The following LTBP2 variants were observed in gnomAD, a reference collection of about 807,000 sequenced individuals.
LTBP2 encodes the protein latent transforming growth factor beta binding protein 2.
LTBP2 carries 103 observed loss-of-function variants against 210.6 expected under a neutral mutation model. The observed-to-expected ratio is 0.49, with a 90% confidence interval of 0.42 to 0.58. The LOEUF is 0.58. Among genes scored for constraint, LTBP2 ranks in the 20% least tolerant of loss-of-function variants. LTBP2 has a pLI of 0.00. For missense variants in LTBP2, 2,313 were observed against 2,494.5 expected (o/e 0.93, Z 1.55); for synonymous variants, 1,007 against 1,015.0 (o/e 0.99, Z 0.15).
At chr14:74,525,951 T>A in intron 14 of LTBP2, 124 bp downstream of exon 14, 3 of 1,079,448 alleles carry the variant, frequency 2.8e-6, no homozygotes, top group Non-Finnish European at 4.1e-6. Flanking sequence ...GGCCACGTCC[T>A]TCTCACCCTC....
chr14:74,519,015 G>A (rs149810514), intron 17 of LTBP2, among the ~76,000 whole-genome samples: 124 of 152,322 alleles, frequency 8.1e-4, no homozygotes, highest in African/African-American at 2.9e-3. Context: ...AAATGGAGAC[G>A]TGAATAGAGA....
chr14:74,524,718 G>A (rs1299331201), intron 15 of LTBP2, among the ~76,000 whole-genome samples: 6 of 152,080 alleles, frequency 3.9e-5, no homozygotes, highest in African/African-American at 7.2e-5. Context: ...AGCCCTCCCC[G>A]TGGGCAGGCA....
At chr14:74,504,678 G>T (rs2086959156) in intron 30 of LTBP2, 100 bp downstream of exon 30, 1 of 1,159,470 alleles carries the variant, frequency 8.6e-7, no homozygotes, top group Admixed American at 1.7e-5. Context: ...CAACCTGCGA[G>T]GCCAGGGCTG....
Position 74,504,929 on chromosome 14 carries a change from A to G in LTBP2, c.4369+54T>C. Reference sequence around the variant, plus strand: ...CCCCCTTCCTCTCTCCCCTTCTTTCAGTGTCACCTTGCAGAGCTGACCCTT... The same window carrying G: ...CCCCCTTCCTCTCTCCCCTTCTTTCGGTGTCACCTTGCAGAGCTGACCCTT... On this transcript the variant is annotated intron_variant, in intron 29 of 35. Coordinates refer to ENST00000261978, the MANE Select transcript of LTBP2 (RefSeq NM_000428.3). The G allele has an allele frequency of 5.0e-6, 8 of 1,613,616 alleles. No individual in the cohort carries two copies. The South Asian group carries it at 8.8e-5, about 18-fold the overall frequency.
At chr14:74,553,142 A>C in intron 4 of LTBP2, 80 bp from the exon 5 acceptor site, 2 of 1,387,002 alleles carry the variant, frequency 1.4e-6, no homozygotes, top group Non-Finnish European at 1.0e-6. Flanking sequence ...AGAAAGCCCC[A>C]TGGGACTAGG....
intron 8 of LTBP2, among the ~76,000 whole-genome samples, chr14:74,549,332 GAA>G (rs1566633272): frequency 7.9e-6 from 1 of 126,656 alleles, no homozygotes; most frequent in East Asian, 2.2e-4. Context: ...ATGAATGAAT[GAA>G]TTAACACATG....
intron 2 of LTBP2, among the ~76,000 whole-genome samples, chr14:74,591,208 G>GA (rs2088279222): frequency 6.6e-6 from 1 of 152,182 alleles, no homozygotes. Flanking sequence ...CCTGCAGAGG[G>GA]AGAAGCCCTG....
chr14:74,611,579 C>G lies in LTBP2; in HGVS notation c.366G>C (p.Arg122=), dbSNP rs775720299. Residue 122 remains arginine (R), a synonymous_variant, in exon 1 of 36, where the codon CGG becomes CGC. Coordinates refer to ENST00000261978, the MANE Select transcript of LTBP2 (RefSeq NM_000428.3). ...GCTGCTGGCCCAGGGGAGTGCTTCT[C>G]CGGGTCTGCGCAGGTGGCTGGACAC... ...SRRVQPPAQT[R]RSTPLGQQQP... The G allele has an allele frequency of 6.3e-7, 1 of 1,576,662 alleles. No homozygotes were observed. Among genetic ancestry groups the G allele is most frequent in the East Asian group, 2.3e-5 (1 of 42,888 alleles).
rs79783941 is a variant in LTBP2 at position 74,595,500 on chromosome 14, G to A, written c.565+8135C>T. On this transcript the variant is annotated intron_variant, in intron 2 of 35. Transcript: ENST00000261978. The stretch of plus-strand genomic sequence containing the variant: ...GGGGCCCCAGAGGTGAGACAGGCTG[G>A]GAGGGGTCCCTGGGGATGAGTCTTT... 7.2e-3 allele frequency among the ~76,000 whole-genome samples: 1,100 copies of A among 152,338 alleles called. 14 individuals carry two copies. The highest frequency in any genetic ancestry group is 0.025 in the African/African-American group (1,054 of 41,576).
intron 4 of LTBP2, 57 bp downstream of exon 4, chr14:74,555,446 G>A (rs2087716049): frequency 6.4e-7 from 1 of 1,573,960 alleles, no homozygotes; most frequent in Non-Finnish European, 8.7e-7. Flanking sequence ...AGCCAAGGTG[G>A]GAGAAGAGAG....
intron 13 of LTBP2, among the ~76,000 whole-genome samples, chr14:74,526,504 C>G (rs1429580749): frequency 1.3e-5 from 2 of 152,230 alleles, no homozygotes; most frequent in African/African-American, 2.4e-5. Context: ...AGTGGGGAAG[C>G]TGGGACCACA....
At chr14:74,540,849 T>TAC (rs1566630058) in intron 8 of LTBP2, among the ~76,000 whole-genome samples, 1 of 10,828 alleles carries the variant, frequency 9.2e-5, no homozygotes, top group Non-Finnish European at 5.1e-4. Flanking sequence ...TTATATATAT[T>TAC]ATATATATTA....
intron 32 of LTBP2, 34 bp from the exon 33 acceptor site, chr14:74,503,420 C>G: frequency 6.2e-7 from 1 of 1,610,024 alleles, no homozygotes; most frequent in South Asian, 1.1e-5. Context: ...ACATGAGCCC[C>G]CCAGCCCAGG....
intron 19 of LTBP2, 130 bp from the exon 20 acceptor site, chr14:74,510,343 A>T: frequency 7.8e-7 from 1 of 1,281,486 alleles, no homozygotes; most frequent in Non-Finnish European, 1.1e-6. Context: ...CCACCTGGGG[A>T]GGCCATGAGG....
intron 10 of LTBP2, among the ~76,000 whole-genome samples, chr14:74,531,937 A>C (rs958830783): frequency 1.3e-5 from 2 of 152,222 alleles, no homozygotes; most frequent in African/African-American, 2.4e-5. Context: ...GTGTTCACAG[A>C]TAAGGAGAAA....
At chr14:74,516,395 G>A (rs1169682371) in intron 18 of LTBP2, among the ~76,000 whole-genome samples, 1 of 108,010 alleles carries the variant, frequency 9.3e-6, no homozygotes, top group Non-Finnish European at 1.8e-5. Context: ...GCATTTATTG[G>A]GTGCTTATCA....
At position 74,510,173 on chromosome 14, in the gene LTBP2, T is replaced by C. The variant is rs1228555889; in HGVS notation, c.3069A>G (p.Gly1023=). The change falls in exon 20 of 36, where the codon GGA becomes GGG. Residue 1023 remains glycine, a synonymous_variant. Coordinates refer to ENST00000261978, the MANE Select transcript of LTBP2 (RefSeq NM_000428.3). ...ECLTPGVCAH[G]KCTNLEGSFR... is the part of the protein sequence containing the mutation. ...AGGAGCCTTCTAGGTTGGTGCACTTTCCATGGGCACAGACCCCGGGAGTCA... is the reference window on the plus strand; with the variant it reads ...AGGAGCCTTCTAGGTTGGTGCACTTCCCATGGGCACAGACCCCGGGAGTCA... 2.5e-6 allele frequency: 4 copies of C among 1,613,918 alleles called. No individual in the cohort carries two copies. Among genetic ancestry groups the C allele is most frequent in the African/African-American group, 2.7e-5 (2 of 74,924 alleles).
Position 74,527,348 on chromosome 14 carries a change from T to A in LTBP2, c.2387A>T (p.Gln796Leu). The A allele has an allele frequency of 6.2e-7, 1 of 1,611,544 alleles. No homozygotes were observed. The highest frequency in any genetic ancestry group is 8.5e-7 in the Non-Finnish European group (1 of 1,179,190). The change falls in exon 13 of 36, where the codon CAG becomes CTG. Residue 796 changes from glutamine to leucine, a missense_variant and splice_region_variant. Coordinates refer to ENST00000261978, the MANE Select transcript of LTBP2 (RefSeq NM_000428.3). ...IPDKGDSQAG[Q>L]VTTSVTHAPA... Reference sequence around the variant, plus strand: ...CCCCTAGTGGGAGGACGCACTCACCTGGCCAGCCTGAGAGTCACCTGGAAG... The same window carrying A: ...CCCCTAGTGGGAGGACGCACTCACCAGGCCAGCCTGAGAGTCACCTGGAAG...
intron 8 of LTBP2, among the ~76,000 whole-genome samples, chr14:74,548,773 T>C (rs2087610482): frequency 6.6e-6 from 1 of 152,200 alleles, no homozygotes; most frequent in South Asian, 2.1e-4. Flanking sequence ...ATTTAATCTC[T>C]ACAGCAGTCT....
Sources: gnomAD v4.1 joint callset for allele counts (sites outside exome capture counted in the v4.1 genomes callset) on GRCh38, gnomAD v4.1.1 for gene constraint, MANE v1.5 for transcripts, NCBI Gene and HGNC (gene_info 2026-07-23, HGNC 2026-07-21) for gene names.